Variants in PIK3R3 observed in about 807,000 individuals in gnomAD.
PIK3R3 encodes phosphoinositide-3-kinase regulatory subunit 3.
PIK3R3 carries 64 observed loss-of-function variants against 62.9 expected under a neutral mutation model. The observed-to-expected ratio is 1.02, with a 90% confidence interval of 0.83 to 1.25. The LOEUF (loss-of-function observed/expected upper bound fraction) is 1.25, where lower values mean the gene tolerates loss of function less well. Ranked by LOEUF, PIK3R3 falls within the 50% of genes most tolerant of loss-of-function variation. The pLI, the probability that PIK3R3 is intolerant of heterozygous loss-of-function variation, is 0.00. For synonymous variants in PIK3R3, 165 were observed against 189.0 expected (o/e 0.87, Z 1.04); for missense variants, 614 against 561.6 (o/e 1.09, Z -0.94).
chr1:46,132,727 G>A, upstream of PIK3R3: 2 of 1,288,638 alleles, frequency 1.6e-6, no homozygotes, highest in South Asian at 1.2e-5. Context: ...ACCGCGCCGG[G>A]AGGGGGGACA....
At chr1:46,133,033 G>C (rs925448585), upstream of PIK3R3, 6 of 1,024,696 alleles carry the variant, frequency 5.9e-6, no homozygotes, top group African/African-American at 8.7e-5. Flanking sequence ...GGCTGAGGCC[G>C]GTTGCCGGAG....
rs180891799 is a variant in PIK3R3, at chr1:46,119,444, T to C, written c.106+12403A>G. On this transcript the variant is annotated intron_variant, in intron 1 of 9. Coordinates refer to ENST00000262741, the MANE Select transcript of PIK3R3 (RefSeq NM_003629.4). ...CCACAACACAGAAAAGGTAAGTAAA[T>C]TGCCAAAGGACACATGTTAAGAAGT... Among the ~76,000 whole-genome samples the C allele has an allele frequency of 1.1e-3, 164 of 152,254 alleles. 4 individuals are homozygous for C. In the East Asian group the frequency reaches 0.024, roughly 23 times the overall value.
chr1:46,121,941 A>T (rs186367809), intron 1 of PIK3R3, among the ~76,000 whole-genome samples: 25 of 152,184 alleles, frequency 1.6e-4, no homozygotes, highest in Non-Finnish European at 3.4e-4. Context: ...TAAAATAATG[A>T]ACTTTAAAAA....
At chr1:46,170,118 G>C in the PIK3R3 span, among the ~76,000 whole-genome samples, 1 of 152,050 alleles carries the variant, frequency 6.6e-6, no homozygotes, top group Admixed American at 6.6e-5. Context: ...GAAAAGCATG[G>C]AGTATTTTCT....
intron 1 of PIK3R3, among the ~76,000 whole-genome samples, chr1:46,086,474 T>TG (rs1461793271): frequency 6.6e-6 from 1 of 151,952 alleles, no homozygotes; most frequent in Non-Finnish European, 1.5e-5. Context: ...TCGAGGCAGG[T>TG]GGATCACCTG....
chr1:46,140,842 G>A, the PIK3R3 span, among the ~76,000 whole-genome samples: 1 of 151,530 alleles, frequency 6.6e-6, no homozygotes, highest in Non-Finnish European at 1.5e-5. Context: ...TTTGTTTTTT[G>A]TTTTTTTGTT....
rs960074217 is a variant in PIK3R3 at position 46,041,568 on chromosome 1, G to A, written c.*2105C>T. 1.1e-5 allele frequency: 2 copies of A among 179,112 alleles called. No individual in the cohort carries two copies. The highest frequency in any genetic ancestry group is 2.2e-3 in the Middle Eastern group (1 of 462). 11.1% of individuals were successfully genotyped at this position (179,112 alleles called of 1,614,324 possible). On this transcript the variant is annotated 3_prime_UTR_variant, in exon 10 of 10. Coordinates refer to ENST00000262741, the MANE Select transcript of PIK3R3 (RefSeq NM_003629.4). Reference sequence around the variant, plus strand: ...GTTTAAAAGACACTCAGAACACACTGAAATTTTAGTACCAGATGGGAGGGA... The same window carrying A: ...GTTTAAAAGACACTCAGAACACACTAAAATTTTAGTACCAGATGGGAGGGA...
the PIK3R3 span, among the ~76,000 whole-genome samples, chr1:46,168,588 T>C: frequency 1.3e-5 from 2 of 152,188 alleles, no homozygotes; most frequent in Non-Finnish European, 2.9e-5. Flanking sequence ...TAACCCAACC[T>C]TGGGCAGGGC....
Position 46,061,915 on chromosome 1 carries a change from C to T in PIK3R3, c.764+14G>A. ...TGTCTCACTGATGCCCTTGGAGGTA[C>T]TAAGTAGACTTACCGTTCAATCTCC... On this transcript the variant is annotated intron_variant, in intron 6 of 9. Coordinates refer to ENST00000262741, the MANE Select transcript of PIK3R3 (RefSeq NM_003629.4). 1 of 1,609,612 alleles carries T rather than the reference C, an allele frequency of 6.2e-7. No homozygotes were observed. The highest frequency in any genetic ancestry group is 1.1e-5 in the South Asian group (1 of 90,782).
intron 3 of PIK3R3, among the ~76,000 whole-genome samples, chr1:46,069,337 T>C (rs1355557230): frequency 1.3e-5 from 2 of 152,018 alleles, no homozygotes; most frequent in Non-Finnish European, 2.9e-5. Context: ...CTGACCAATG[T>C]AGTGAAACCC....
At chr1:46,147,402 G>T in the PIK3R3 span, among the ~76,000 whole-genome samples, 1 of 152,066 alleles carries the variant, frequency 6.6e-6, no homozygotes, top group South Asian at 2.1e-4. Context: ...ACCACGCCCG[G>T]CCAGGAACTC....
intron 9 of PIK3R3, 33 bp from the exon 10 acceptor site, chr1:46,043,904 G>T (rs1391291695): frequency 1.3e-6 from 2 of 1,565,568 alleles, no homozygotes; most frequent in South Asian, 2.3e-5. Flanking sequence ...AAATGTTAAG[G>T]TAGGTAACAA....
At chr1:46,076,513 A>C (rs1296191819) in intron 3 of PIK3R3, among the ~76,000 whole-genome samples, 2 of 152,204 alleles carry the variant, frequency 1.3e-5, no homozygotes, top group Non-Finnish European at 2.9e-5. Context: ...GTGTTCAATG[A>C]ATTACTGTAG....
At chr1:46,068,804 G>A (rs938044184) in intron 3 of PIK3R3, among the ~76,000 whole-genome samples, 1 of 152,192 alleles carries the variant, frequency 6.6e-6, no homozygotes, top group Non-Finnish European at 1.5e-5. Context: ...CTTAGATTAT[G>A]TAATAACAGT....
At chr1:46,077,870 T>C (rs1650215119) in intron 2 of PIK3R3, among the ~76,000 whole-genome samples, 1 of 152,196 alleles carries the variant, frequency 6.6e-6, no homozygotes, top group African/African-American at 2.4e-5. Context: ...CAAATGTGTG[T>C]AAGAGATACT....
chr1:46,152,621 GGC>G, the PIK3R3 span, among the ~76,000 whole-genome samples: 2 of 141,490 alleles, frequency 1.4e-5, no homozygotes, highest in African/African-American at 2.7e-5. Context: ...GGAGTGCAGT[GGC>G]GTGATCTCTG....
Position 46,043,751 on chromosome 1 carries a change from G to C in PIK3R3, c.1308C>G (p.Ser436=), listed in dbSNP as rs1248409686. ...KELVLHYQQT[S]LVQHNDSLNV... ...TGAGGGAGTCGTTGTGCTGAACCAA[G>C]GATGTCTGCTGGTAATGGAGCACTA... Residue 436 remains serine, a synonymous_variant, in exon 10 of 10, where the codon TCC becomes TCG. Transcript: ENST00000262741. The C allele has an allele frequency of 6.2e-7, 1 of 1,614,126 alleles. No homozygotes were observed. Among genetic ancestry groups the C allele is most frequent in the African/African-American group, 1.3e-5 (1 of 74,950 alleles).
chr1:46,115,417 A>ATTTC (rs1654100615), intron 1 of PIK3R3, among the ~76,000 whole-genome samples: 4 of 152,236 alleles, frequency 2.6e-5, no homozygotes, highest in Non-Finnish European at 4.4e-5. Flanking sequence ...TGTACTAGAA[A>ATTTC]ATACAGCCTA....
the PIK3R3 span, among the ~76,000 whole-genome samples, chr1:46,158,036 T>C: frequency 6.6e-6 from 1 of 152,254 alleles, no homozygotes; most frequent in South Asian, 2.1e-4. Flanking sequence ...ATTTCTATCA[T>C]CACTTCTCTC....
Sources: allele counts gnomAD v4.1 joint callset (sites outside exome capture counted in the v4.1 genomes callset), GRCh38; gene constraint gnomAD v4.1.1; transcripts MANE v1.5; gene names NCBI Gene and HGNC (gene_info 2026-07-23, HGNC 2026-07-21).